The following PRKCE variants were observed in gnomAD, a reference collection of about 807,000 sequenced individuals.
The protein encoded by PRKCE is protein kinase C epsilon.
PRKCE carries 16 observed loss-of-function variants against 85.4 expected under a neutral mutation model. The ratio of observed to expected loss-of-function variants is 0.19; its 90% CI spans 0.13 to 0.28. The LOEUF is 0.28. Ranked by LOEUF, PRKCE falls within the 10% of genes least tolerant of loss-of-function variation. PRKCE has a pLI of 1.00. For missense variants in PRKCE, 573 were observed against 975.2 expected (o/e 0.59, Z 5.49); for synonymous variants, 388 against 371.5 (o/e 1.04, Z -0.51).
chr2:45,755,989 C>T (rs2104783872), intron 1 of PRKCE, among the ~76,000 whole-genome samples: 1 of 152,288 alleles, frequency 6.6e-6, no homozygotes, highest in South Asian at 2.1e-4. Context: ...TTTGCATCCC[C>T]ACTGCTGGGT....
intron 10 of PRKCE, among the ~76,000 whole-genome samples, chr2:46,061,478 G>C (rs912075428): frequency 6.6e-6 from 1 of 152,044 alleles, no homozygotes; most frequent in East Asian, 1.9e-4. Context: ...CTGGGTGAGA[G>C]AAGAACCATT....
At chr2:45,716,569 A>C (rs1680109280) in intron 1 of PRKCE, among the ~76,000 whole-genome samples, 1 of 151,154 alleles carries the variant, frequency 6.6e-6, no homozygotes. Flanking sequence ...AAAAGAAAGA[A>C]AGGAAGAAAG....
At chr2:45,849,988 CAA>C (rs749203323) in intron 2 of PRKCE, among the ~76,000 whole-genome samples, 46 of 152,174 alleles carry the variant, frequency 3.0e-4, no homozygotes, top group African/African-American at 8.9e-4. Context: ...TATAATGTCA[CAA>C]AGAGACATCG....
At chr2:45,719,755 A>C (rs978865213) in intron 1 of PRKCE, among the ~76,000 whole-genome samples, 4 of 152,138 alleles carry the variant, frequency 2.6e-5, no homozygotes, top group Non-Finnish European at 5.9e-5. Flanking sequence ...CCTCCCCACA[A>C]AAACAATTAA....
chr2:45,925,316 T>G (rs1189186523), intron 2 of PRKCE, among the ~76,000 whole-genome samples: 1 of 110,626 alleles, frequency 9.0e-6, no homozygotes, highest in Non-Finnish European at 1.9e-5. Context: ...TATTTATTTT[T>G]GAGACAGTTT....
At chr2:45,893,013 G>A (rs528533531) in intron 2 of PRKCE, among the ~76,000 whole-genome samples, 2 of 152,262 alleles carry the variant, frequency 1.3e-5, no homozygotes, top group South Asian at 2.1e-4. Flanking sequence ...GCCTCATTCC[G>A]CTGCACAGAG....
At chr2:45,695,198 CTCT>C (rs1449518791) in intron 1 of PRKCE, among the ~76,000 whole-genome samples, 1 of 152,012 alleles carries the variant, frequency 6.6e-6, no homozygotes, top group Non-Finnish European at 1.5e-5. Flanking sequence ...CTCCTTTTTT[CTCT>C]TCTTCTTGAC....
intron 2 of PRKCE, among the ~76,000 whole-genome samples, chr2:45,862,538 C>T (rs191667186): frequency 3.3e-5 from 5 of 152,284 alleles, no homozygotes; most frequent in African/African-American, 1.2e-4. Flanking sequence ...GCATTGCCTA[C>T]CTGTGCAGTC....
intron 2 of PRKCE, among the ~76,000 whole-genome samples, chr2:45,864,362 A>G (rs1693412010): frequency 6.6e-6 from 1 of 152,226 alleles, no homozygotes; most frequent in African/African-American, 2.4e-5. Flanking sequence ...GCCCTGGAGA[A>G]TGGTCTTAAG....
intron 1 of PRKCE, among the ~76,000 whole-genome samples, chr2:45,769,555 A>T (rs7592092): frequency 9.2e-5 from 14 of 151,988 alleles, no homozygotes; most frequent in African/African-American, 3.4e-4. Context: ...AGAACTAACC[A>T]TTTTTCATCC....
In PRKCE at chr2:45,980,209, G is replaced by A. The variant is rs1020192462; in HGVS notation, c.608-87G>A. On this transcript the variant is annotated intron_variant, in intron 4 of 14. Transcript: ENST00000306156. ...TGGCAGAAGGGGCCTGGCTCCCCTT[G>A]TCACTCCACCAAGCCCTGAATAGAT... The A allele has an allele frequency of 8.4e-6, 11 of 1,302,842 alleles. No homozygotes were observed. In the African/African-American group the frequency reaches 1.2e-4, roughly 14 times the overall value. The allele number at this position is 1,302,842 out of a possible 1,614,324, so 80.7% of individuals were successfully genotyped here. A position where few individuals can be genotyped will look rare whatever the true frequency, so the allele number is the denominator to read the frequency against.
chr2:45,947,353 AG>A (rs1436641447), intron 2 of PRKCE, among the ~76,000 whole-genome samples: 2 of 152,092 alleles, frequency 1.3e-5, no homozygotes, highest in East Asian at 3.9e-4. Flanking sequence ...TGCCTGGTAA[AG>A]GGTGTGGAAC....
chr2:45,799,277 C>T (rs1687677665), intron 1 of PRKCE, among the ~76,000 whole-genome samples: 1 of 152,014 alleles, frequency 6.6e-6, no homozygotes, highest in South Asian at 2.1e-4. Flanking sequence ...ATCATAATCC[C>T]AATTTATACT....
rs750000109 is a variant in PRKCE, at chr2:46,086,223, G to A, written c.1453G>A (p.Val485Ile). 2.5e-5 allele frequency: 40 copies of A among 1,598,862 alleles called. No homozygotes were observed. Among genetic ancestry groups the A allele is most frequent in the Admixed American group, 6.7e-5 (4 of 59,810 alleles). Residue 485 changes from valine (V) to isoleucine (I), a missense_variant, in exon 11 of 15, where the codon GTC becomes ATC. Val to Ile is a conservative substitution (Grantham distance 29, BLOSUM62 3). Coordinates refer to ENST00000306156, the MANE Select transcript of PRKCE (RefSeq NM_005400.3). Reference sequence around the variant, plus strand: ...CTCCTTTCAGGACCGCCTCTTTTTCGTCATGGAATATGTAAATGGTGGAGA... The same window carrying A: ...CTCCTTTCAGGACCGCCTCTTTTTCATCATGGAATATGTAAATGGTGGAGA... ...CFQTKDRLFF[V>I]MEYVNGGDLM...
intron 10 of PRKCE, among the ~76,000 whole-genome samples, chr2:46,054,958 G>A (rs1666421143): frequency 6.6e-6 from 1 of 152,164 alleles, no homozygotes; most frequent in South Asian, 2.1e-4. Context: ...TCCCGGGGAA[G>A]ATCACTTCCC....
chr2:45,859,169 G>A (rs560512635), intron 2 of PRKCE, among the ~76,000 whole-genome samples: 227 of 151,790 alleles, frequency 1.5e-3, no homozygotes, highest in African/African-American at 4.1e-3. Flanking sequence ...GCTGCAGTTC[G>A]TTTTTTTATT....
intron 1 of PRKCE, among the ~76,000 whole-genome samples, chr2:45,654,822 A>G (rs1477465073): frequency 2.6e-5 from 4 of 152,166 alleles, no homozygotes; most frequent in African/African-American, 9.7e-5. Context: ...ACTCATTGGC[A>G]GGGGTGACTG....
At chr2:45,660,345 T>C (rs1259022950) in intron 1 of PRKCE, among the ~76,000 whole-genome samples, 2 of 152,200 alleles carry the variant, frequency 1.3e-5, no homozygotes, top group Non-Finnish European at 2.9e-5. Flanking sequence ...GAATGCTATA[T>C]TATTTCCACA....
chr2:45,725,056 C>A (rs1680938004), intron 1 of PRKCE, among the ~76,000 whole-genome samples: 1 of 152,254 alleles, frequency 6.6e-6, no homozygotes, highest in Non-Finnish European at 1.5e-5. Context: ...TACCTGGCTT[C>A]AAAGCTTCAA....
Sources: allele counts gnomAD v4.1 joint callset (sites outside exome capture counted in the v4.1 genomes callset), GRCh38; gene constraint gnomAD v4.1.1; transcripts MANE v1.5; gene names NCBI Gene and HGNC (gene_info 2026-07-23, HGNC 2026-07-21).